The following CUX1 variants were observed in gnomAD, a reference collection of about 807,000 sequenced individuals.
CUX1 encodes the protein protein CASP.
CUX1 carries 31 observed loss-of-function variants against 158.8 expected under a neutral mutation model. That is an observed-to-expected ratio of 0.20 (90% confidence interval 0.15 to 0.26). The LOEUF (loss-of-function observed/expected upper bound fraction) is 0.26, where lower values mean the gene tolerates loss of function less well. Among genes scored for constraint, CUX1 ranks in the 10% least tolerant of loss-of-function variants. CUX1 has a pLI of 1.00. For missense variants in CUX1, 1,589 were observed against 2,014.6 expected (o/e 0.79, Z 4.04); for synonymous variants, 879 against 862.1 (o/e 1.02, Z -0.34).
chr7:102,021,210 ATGT>A (rs1399840036), intron 2 of CUX1, among the ~76,000 whole-genome samples: 4 of 152,176 alleles, frequency 2.6e-5, no homozygotes, highest in Non-Finnish European at 4.4e-5. Flanking sequence ...CCACCAAGAG[ATGT>A]TGTACCTCTT....
At chr7:101,834,586 G>T (rs138639952) in intron 1 of CUX1, among the ~76,000 whole-genome samples, 2 of 152,318 alleles carry the variant, frequency 1.3e-5, no homozygotes, top group East Asian at 3.9e-4. Flanking sequence ...CTCTTGAAAA[G>T]AAATTTTTTT....
intron 17 of CUX1, among the ~76,000 whole-genome samples, chr7:102,276,481 T>C (rs1396266024): frequency 1.3e-5 from 2 of 152,168 alleles, no homozygotes; most frequent in Non-Finnish European, 1.5e-5. Context: ...TTTGTATTTT[T>C]AGTAGAGACA....
intron 2 of CUX1, chr7:101,959,272 T>TGTGC (rs1554432639): frequency 3.4e-5 from 5 of 145,580 alleles, no homozygotes; most frequent in Admixed American, 2.0e-4. Flanking sequence ...TGTGTGTGTG[T>TGTGC]GTGCAAGAGA....
At chr7:101,913,152 T>C (rs1803690961) in intron 1 of CUX1, 1 of 249,470 alleles carries the variant, frequency 4.0e-6, no homozygotes, top group Non-Finnish European at 8.3e-6. Context: ...GTGTTGTTTT[T>C]TAAAAAAATT....
intron 4 of CUX1, among the ~76,000 whole-genome samples, chr7:102,091,860 A>G (rs903216843): frequency 2.0e-5 from 3 of 152,030 alleles, no homozygotes; most frequent in Non-Finnish European, 2.9e-5. Flanking sequence ...GGCTCAAGCA[A>G]TTCTCCTGCC....
At chr7:102,020,193 G>C (rs1186200527) in intron 2 of CUX1, among the ~76,000 whole-genome samples, 1 of 152,136 alleles carries the variant, frequency 6.6e-6, no homozygotes, top group Non-Finnish European at 1.5e-5. Flanking sequence ...TTTAATACTT[G>C]AGTTTCAATG....
chr7:102,073,119 AC>A (rs1216612607), intron 4 of CUX1, among the ~76,000 whole-genome samples: 1 of 139,484 alleles, frequency 7.2e-6, no homozygotes, highest in African/African-American at 2.7e-5. Flanking sequence ...AGACCCAAAG[AC>A]TGTTTAGCTG....
At chr7:102,003,326 A>ACACACACACACG (rs1007088122) in intron 2 of CUX1, among the ~76,000 whole-genome samples, 3 of 149,336 alleles carry the variant, frequency 2.0e-5, no homozygotes, top group African/African-American at 7.4e-5. Flanking sequence ...ACACACACAC[A>ACACACACACACG]CACACACACG....
chr7:101,997,003 G>A (rs1376897452), intron 2 of CUX1, among the ~76,000 whole-genome samples: 1 of 152,066 alleles, frequency 6.6e-6, no homozygotes, highest in African/African-American at 2.4e-5. Context: ...CTGCGCTCGT[G>A]TGCACTCCGG....
At chr7:101,934,815 C>A (rs954415877) in intron 2 of CUX1, among the ~76,000 whole-genome samples, 1 of 152,040 alleles carries the variant, frequency 6.6e-6, no homozygotes, top group Non-Finnish European at 1.5e-5. Context: ...GCCTTCCAGC[C>A]TTTATTATTA....
chr7:102,172,374 G>A (rs190924194), intron 10 of CUX1, among the ~76,000 whole-genome samples: 19 of 149,604 alleles, frequency 1.3e-4, no homozygotes, highest in African/African-American at 4.5e-4. Flanking sequence ...GAGCCACTGC[G>A]GGATCTCACT....
intron 2 of CUX1, among the ~76,000 whole-genome samples, chr7:102,023,872 G>A (rs142231039): frequency 8.9e-4 from 135 of 152,232 alleles, no homozygotes; most frequent in South Asian, 1.7e-3. Context: ...ACAAACACAC[G>A]TAGCTTTAAT....
At chr7:102,150,176 G>A (rs1265001104) in intron 8 of CUX1, among the ~76,000 whole-genome samples, 1 of 152,074 alleles carries the variant, frequency 6.6e-6, no homozygotes, top group Non-Finnish European at 1.5e-5. Context: ...TTTTGTTTGA[G>A]ACAGGGTCTC....
intron 1 of CUX1, among the ~76,000 whole-genome samples, chr7:101,903,136 AC>A (rs764665705): frequency 9.9e-5 from 15 of 151,786 alleles, no homozygotes; most frequent in Non-Finnish European, 1.9e-4. Context: ...TCCCTGGTTG[AC>A]CCCGAGGCCA....
chr7:102,035,511 C>G (rs1255407844), intron 3 of CUX1, among the ~76,000 whole-genome samples: 1 of 151,714 alleles, frequency 6.6e-6, no homozygotes, highest in Non-Finnish European at 1.5e-5. Flanking sequence ...AGAAATCAAA[C>G]TGTCATTTTT....
intron 21 of CUX1, among the ~76,000 whole-genome samples, chr7:102,229,869 AC>A (rs1277196310): frequency 6.6e-6 from 1 of 151,846 alleles, no homozygotes; most frequent in Non-Finnish European, 1.5e-5. Flanking sequence ...TGATCCACCC[AC>A]CTTGGCCTCC....
Position 101,817,811 on chromosome 7 carries a change from C to G in CUX1, c.30+142C>G. ...AGGGGATAGGAGGGTTCCTCAGGGCCCCTGGGGAACTGCAGCTACTCCCAA... is the reference window on the plus strand; with the variant it reads ...AGGGGATAGGAGGGTTCCTCAGGGCGCCTGGGGAACTGCAGCTACTCCCAA... On this transcript the variant is annotated intron_variant, in intron 1 of 23. Coordinates refer to ENST00000292535, the MANE Select transcript of CUX1 (RefSeq NM_181552.4). The surrounding 1 kb of genome is among the most constrained non-coding windows in gnomAD (Gnocchi z 4.1). 1 of 958,682 alleles carries G rather than the reference C, an allele frequency of 1.0e-6. No homozygotes were observed. The highest frequency in any genetic ancestry group is 1.7e-5 in the African/African-American group (1 of 59,552). The allele number at this position is 958,682 out of a possible 1,614,324, so 59.4% of individuals were successfully genotyped here. A position where few individuals can be genotyped will look rare whatever the true frequency, so the allele number is the denominator to read the frequency against.
Position 102,030,691 on chromosome 7 carries a change from G to GTTTTTTTTTTTTTGTTTTTTGTTTT in CUX1, c.189+2558_189+2559insTGTTTTTTGTTTTTTTTTTTTTTTT, listed in dbSNP as rs71119801. On this transcript the variant is annotated intron_variant, in intron 3 of 23. Coordinates refer to ENST00000292535, the MANE Select transcript of CUX1 (RefSeq NM_181552.4). The stretch of plus-strand genomic sequence containing the variant: ...TATCTAATTTTCTATTTTAAAAAGT[G>GTTTTTTTTTTTTTGTTTTTTGTTTT]TTTTTTTTTTTTGAGACAGGGTCTC... Among the ~76,000 whole-genome samples the GTTTTTTTTTTTTTGTTTTTTGTTTT allele has an allele frequency of 7.1e-4, 85 of 119,406 alleles. 2 individuals carry two copies. The highest frequency in any genetic ancestry group is 2.6e-3 in the African/African-American group (84 of 32,320). The allele number at this position is 119,406 out of a possible 152,430, so 78.3% of individuals were successfully genotyped here.
intron 8 of CUX1, among the ~76,000 whole-genome samples, chr7:102,129,116 T>C (rs1276042437): frequency 1.3e-5 from 2 of 152,230 alleles, no homozygotes; most frequent in African/African-American, 4.8e-5. Flanking sequence ...CTCCCCCTGC[T>C]CAAGGTCTCT....
Sources: gnomAD v4.1 joint callset for allele counts (sites outside exome capture counted in the v4.1 genomes callset) on GRCh38, gnomAD v4.1.1 for gene constraint, Gnocchi (gnomAD v3.1) non-coding constraint, MANE v1.5 for transcripts, NCBI Gene and HGNC (gene_info 2026-07-23, HGNC 2026-07-21) for gene names.